PALLD: variants seen among roughly 807,000 people sequenced by gnomAD.
PALLD encodes the protein palladin.
PALLD carries 61 observed loss-of-function variants against 123.5 expected under a neutral mutation model. The observed-to-expected ratio is 0.49, with a 90% confidence interval of 0.40 to 0.61. The LOEUF is 0.61. PALLD is among the 20% of genes least tolerant of loss of function. The pLI is 0.00. For missense variants in PALLD, 1,273 were observed against 1,377.0 expected, an observed-to-expected ratio of 0.92 and a Z score of 1.20; for synonymous variants, 465 against 496.4, an observed-to-expected ratio of 0.94 and a Z score of 0.84.
intron 10 of PALLD, among the ~76,000 whole-genome samples, chr4:168,839,195 C>T (rs909848260): frequency 2.6e-5 from 4 of 152,144 alleles, no homozygotes; most frequent in African/African-American, 9.7e-5. Flanking sequence ...CTCAAGTGAT[C>T]TGACCTCTCA....
chr4:168,529,947 A>C (rs1764447053), intron 2 of PALLD, among the ~76,000 whole-genome samples: 1 of 152,198 alleles, frequency 6.6e-6, no homozygotes, highest in South Asian at 2.1e-4. Flanking sequence ...TAAACGTCAA[A>C]CTAATTTTAT....
chr4:168,811,951 C>T (rs1741229953), intron 10 of PALLD, among the ~76,000 whole-genome samples: 1 of 152,072 alleles, frequency 6.6e-6, no homozygotes, highest in Non-Finnish European at 1.5e-5. Flanking sequence ...TCGCCTGTTT[C>T]CTGAAGGTCT....
At chr4:168,792,667 C>T (rs1039242263) in intron 10 of PALLD, among the ~76,000 whole-genome samples, 23 of 152,040 alleles carry the variant, frequency 1.5e-4, no homozygotes, top group Admixed American at 1.2e-3. Flanking sequence ...AAGTAGTCTT[C>T]GCAATCAAGG....
chr4:168,774,579 T>C (rs1211050301), intron 10 of PALLD, among the ~76,000 whole-genome samples: 3 of 151,820 alleles, frequency 2.0e-5, no homozygotes, highest in Non-Finnish European at 4.4e-5. Context: ...AATACAAAAA[T>C]TAGCCGAGTG....
At chr4:168,747,219 G>A (rs1730441523) in intron 10 of PALLD, among the ~76,000 whole-genome samples, 2 of 152,196 alleles carry the variant, frequency 1.3e-5, no homozygotes, top group African/African-American at 4.8e-5. Context: ...CTAATCAGCT[G>A]CATAAAAGGG....
chr4:168,849,565 A>C (rs1243999548), intron 10 of PALLD, among the ~76,000 whole-genome samples: 1 of 152,216 alleles, frequency 6.6e-6, no homozygotes, highest in African/African-American at 2.4e-5. Flanking sequence ...TCTCGACTAG[A>C]CTTTGAGACC....
intron 2 of PALLD, among the ~76,000 whole-genome samples, chr4:168,599,606 A>C (rs1040846325): frequency 6.6e-6 from 1 of 152,174 alleles, no homozygotes; most frequent in Non-Finnish European, 1.5e-5. Context: ...GTAGTTATTA[A>C]AAAGAGCAAG....
In PALLD at chr4:168,852,797, G is replaced by A. The variant is rs115014825; in HGVS notation, c.1965-38125G>A. ...TTGTGGGCTTTTAGATGAGTTAATCGGCTACAATTTCTCTTAATTCCCTCT... is the reference window on the plus strand; with the variant it reads ...TTGTGGGCTTTTAGATGAGTTAATCAGCTACAATTTCTCTTAATTCCCTCT... On this transcript the variant is annotated intron_variant, in intron 10 of 21. Coordinates refer to ENST00000505667, the MANE Select transcript of PALLD (RefSeq NM_001166108.2). Among the ~76,000 whole-genome samples the A allele has an allele frequency of 6.3e-3, 958 of 152,188 alleles. 16 individuals are homozygous for A. The highest frequency in any genetic ancestry group is 0.022 in the African/African-American group (904 of 41,512).
At chr4:168,904,486 G>T (rs1757203448) in intron 15 of PALLD, among the ~76,000 whole-genome samples, 1 of 152,104 alleles carries the variant, frequency 6.6e-6, no homozygotes, top group South Asian at 2.1e-4. Context: ...TTTAATAGGA[G>T]GCTGCTGGGT....
chr4:168,672,264 C>T (rs1780355855), intron 3 of PALLD, among the ~76,000 whole-genome samples: 1 of 152,148 alleles, frequency 6.6e-6, no homozygotes, highest in Non-Finnish European at 1.5e-5. Flanking sequence ...CAATATCCTC[C>T]TTCTAGCTAC....
At position 168,663,655 on chromosome 4, in the gene PALLD, G is replaced by A. The variant is rs991509854; in HGVS notation, c.909-4535G>A. On this transcript the variant is annotated intron_variant, in intron 2 of 21. Coordinates refer to ENST00000505667, the MANE Select transcript of PALLD (RefSeq NM_001166108.2). ...CTGCAGGGTCAGCAATGTCCTAGAT[G>A]CAAAATTGAATGCATGCAAAATTAT... Among the ~76,000 whole-genome samples, 26 of 152,286 alleles carry A rather than the reference G, an allele frequency of 1.7e-4. No homozygotes were observed. The East Asian group carries it at 4.6e-3, about 27-fold the overall frequency.
intron 2 of PALLD, among the ~76,000 whole-genome samples, chr4:168,625,502 G>GATAGATAGATAGATATATATAT: frequency 6.1e-5 from 7 of 114,472 alleles, no homozygotes; most frequent in East Asian, 2.8e-4. Context: ...ATATCCAGGA[G>GATAGATAGATAGATATATATAT]ATATATATAT....
At chr4:168,683,650 C>G (rs1240463947) in intron 5 of PALLD, among the ~76,000 whole-genome samples, 1 of 151,854 alleles carries the variant, frequency 6.6e-6, no homozygotes, top group Non-Finnish European at 1.5e-5. Context: ...ATTTACTTTG[C>G]AAACACAAAC....
rs960430324 is a variant in PALLD at position 168,915,941 on chromosome 4, C to G, written c.2764C>G (p.Gln922Glu). The stretch of plus-strand genomic sequence containing the variant: ...CAGTGGAGACGAAAATGAACCAATT[C>G]AGGAGCGATTCTTCAGACCTCACTT... ...RDSGDENEPI[Q>E]ERFFRPHFLQ... Residue 922 changes from glutamine to glutamate, a missense_variant, in exon 17 of 22, where the codon CAG (glutamine) becomes GAG (glutamate). Around this residue, in one of 2 missense-constraint regions of PALLD, gnomAD observed 329 missense variants for 422.5 expected, o/e 0.78. Coordinates refer to ENST00000505667, the MANE Select transcript of PALLD (RefSeq NM_001166108.2). 7.4e-6 allele frequency: 12 copies of G among 1,612,878 alleles called. No homozygotes were observed. The highest frequency in any genetic ancestry group is 1.0e-5 in the Non-Finnish European group (12 of 1,178,960).
chr4:168,628,308 T>G (rs1775491471), intron 2 of PALLD, among the ~76,000 whole-genome samples: 1 of 152,246 alleles, frequency 6.6e-6, no homozygotes, highest in Admixed American at 6.5e-5. Flanking sequence ...CTGATATGCA[T>G]GTAAGTCTCA....
chr4:168,869,382 GT>G lies in PALLD; in HGVS notation c.1965-21539del, dbSNP rs796846253. On this transcript the variant is annotated intron_variant, in intron 10 of 21. Transcript: ENST00000505667. The surrounding 1 kb of genome is among the most constrained non-coding windows in gnomAD (Gnocchi z 4.5). Reference sequence around the variant, plus strand: ...CATGCCAGCCTTGTGGGCTGGAGTAGTATGGAGGAGGGAGTAAGAACTGCTA... The same window carrying G: ...CATGCCAGCCTTGTGGGCTGGAGTAGATGGAGGAGGGAGTAAGAACTGCTA... Among the ~76,000 whole-genome samples, 5 of 152,288 alleles carry G rather than the reference GT, an allele frequency of 3.3e-5. No individual in the cohort carries two copies. Among genetic ancestry groups the G allele is most frequent in the African/African-American group, 1.2e-4 (5 of 41,562 alleles).
At chr4:168,794,370 G>C (rs112893438) in intron 10 of PALLD, among the ~76,000 whole-genome samples, 207 of 152,340 alleles carry the variant, frequency 1.4e-3, no homozygotes, top group African/African-American at 4.7e-3. Context: ...AAGGTGAGGG[G>C]AAAGCAATCC....
intron 10 of PALLD, among the ~76,000 whole-genome samples, chr4:168,782,759 A>T (rs1561518013): frequency 6.6e-6 from 1 of 151,438 alleles, no homozygotes; most frequent in Non-Finnish European, 1.5e-5. Context: ...AAAAAAAAAT[A>T]AAAAAATTAG....
At chr4:168,649,232 G>C (rs568806034) in intron 2 of PALLD, among the ~76,000 whole-genome samples, 17 of 152,294 alleles carry the variant, frequency 1.1e-4, no homozygotes, top group African/African-American at 4.1e-4. Flanking sequence ...TGAGATAATC[G>C]CTGGCTGGTG....
Sources: allele counts gnomAD v4.1 joint callset (sites outside exome capture counted in the v4.1 genomes callset), GRCh38; gene constraint gnomAD v4.1.1; regional missense constraint gnomAD v4.1.1; non-coding constraint Gnocchi (gnomAD v3.1); transcripts MANE v1.5; gene names NCBI Gene and HGNC (gene_info 2026-07-23, HGNC 2026-07-21).